RBFOX1: variants seen among roughly 807,000 people sequenced by gnomAD.
RBFOX1 encodes the protein RNA binding protein fox-1 homolog 1.
RBFOX1 carries 8 observed loss-of-function variants against 57.7 expected under a neutral mutation model. The observed-to-expected ratio is 0.14, with a 90% CI of 0.08 to 0.25. RBFOX1 has a LOEUF of 0.25. Among genes scored for constraint, RBFOX1 ranks in the 10% least tolerant of loss-of-function variants. The pLI, the probability that RBFOX1 is intolerant of heterozygous loss-of-function variation, is 1.00. For missense variants in RBFOX1, 611 were observed against 548.5 expected (o/e 1.11, Z -1.14); for synonymous variants, 326 against 222.4 (o/e 1.47, Z -4.15).
intron 4 of RBFOX1, among the ~76,000 whole-genome samples, chr16:7,136,404 ATTT>A (rs35623726): frequency 1.5e-3 from 161 of 110,914 alleles, no homozygotes; most frequent in Non-Finnish European, 1.9e-3. Flanking sequence ...TCATCTTGGG[ATTT>A]TTTTTTTTTT....
chr16:7,574,372 A>G (rs542581195), intron 5 of RBFOX1, among the ~76,000 whole-genome samples: 1 of 152,286 alleles, frequency 6.6e-6, no homozygotes, highest in East Asian at 1.9e-4. Flanking sequence ...AGGAGTATTG[A>G]CTCACACGAT....
At chr16:5,294,643 T>C (rs1224447563) in intron 1 of RBFOX1, among the ~76,000 whole-genome samples, 2 of 152,156 alleles carry the variant, frequency 1.3e-5, no homozygotes, top group Admixed American at 6.5e-5. Flanking sequence ...GAACTATTTC[T>C]GAACACCCCT....
At chr16:6,022,543 G>A (rs1422546389) in intron 1 of RBFOX1, among the ~76,000 whole-genome samples, 2 of 152,026 alleles carry the variant, frequency 1.3e-5, no homozygotes, top group African/African-American at 4.8e-5. Flanking sequence ...TTAGATGGGT[G>A]TGGTGGTGCA....
rs190348997 is a variant in RBFOX1, at chr16:6,441,908, C to T, written c.-64+124851C>T. Among the ~76,000 whole-genome samples the T allele has an allele frequency of 2.0e-5, 3 of 152,214 alleles. No individual in the cohort carries two copies. The East Asian group carries it at 5.8e-4, about 30-fold the overall frequency. ...CTCTGACTCAGGCAGCAGTGGTCAG[C>T]GTGGCGGGAGGGTCTTCCTAATTTG... On this transcript the variant is annotated intron_variant, in intron 2 of 15. Coordinates refer to ENST00000550418, the MANE Select transcript of RBFOX1 (RefSeq NM_018723.4).
chr16:6,696,758 C>G (rs1282534456), intron 3 of RBFOX1, among the ~76,000 whole-genome samples: 6 of 152,016 alleles, frequency 3.9e-5, no homozygotes, highest in Non-Finnish European at 7.4e-5. Flanking sequence ...ATGCAGTTTG[C>G]TGTGCCTGTG....
intron 4 of RBFOX1, among the ~76,000 whole-genome samples, chr16:7,099,698 G>C (rs1422875381): frequency 6.6e-6 from 1 of 152,182 alleles, no homozygotes; most frequent in South Asian, 2.1e-4. Flanking sequence ...ATTTGCATTG[G>C]TTCTACCTGG....
chr16:5,818,026 TG>T (rs1245955339), intron 3 of RBFOX1, among the ~76,000 whole-genome samples: 1 of 152,160 alleles, frequency 6.6e-6, no homozygotes, highest in Admixed American at 6.5e-5. Flanking sequence ...TTTGTCTTTA[TG>T]GTGAAAGCAG....
intron 2 of RBFOX1, among the ~76,000 whole-genome samples, chr16:5,548,630 C>T (rs116304096): frequency 1.7e-3 from 263 of 151,978 alleles, no homozygotes; most frequent in African/African-American, 6.1e-3. Context: ...TAAATATATA[C>T]ACCAACTATG....
intron 4 of RBFOX1, among the ~76,000 whole-genome samples, chr16:7,318,561 T>C (rs2096487185): frequency 6.6e-6 from 1 of 152,210 alleles, no homozygotes; most frequent in Non-Finnish European, 1.5e-5. Flanking sequence ...ATATTCATTG[T>C]CATTATGAAG....
intron 3 of RBFOX1, among the ~76,000 whole-genome samples, chr16:6,874,683 A>G (rs1322508957): frequency 6.6e-6 from 1 of 152,062 alleles, no homozygotes; most frequent in Non-Finnish European, 1.5e-5. Flanking sequence ...ACATTGTGTT[A>G]ATATACTAAC....
intron 3 of RBFOX1, among the ~76,000 whole-genome samples, chr16:6,878,268 G>C (rs1231016095): frequency 6.6e-6 from 1 of 152,186 alleles, no homozygotes; most frequent in Non-Finnish European, 1.5e-5. Flanking sequence ...CTTGTGATTT[G>C]AGTGAGGCCA....
intron 11 of RBFOX1, among the ~76,000 whole-genome samples, chr16:7,647,033 T>C (rs2063877699): frequency 1.3e-5 from 2 of 152,156 alleles, no homozygotes; most frequent in African/African-American, 4.8e-5. Flanking sequence ...CCACACATCT[T>C]CCGTTCTAAA....
chr16:7,251,302 A>G (rs532781155), intron 4 of RBFOX1, among the ~76,000 whole-genome samples: 4 of 152,058 alleles, frequency 2.6e-5, no homozygotes, highest in Admixed American at 6.5e-5. Context: ...TTCACTCAAC[A>G]TGACATCCTC....
At chr16:6,161,559 C>T (rs139028664) in intron 1 of RBFOX1, among the ~76,000 whole-genome samples, 1 of 152,124 alleles carries the variant, frequency 6.6e-6, no homozygotes, top group African/African-American at 2.4e-5. Context: ...AACATAAACA[C>T]TCAGGAAATA....
intron 3 of RBFOX1, among the ~76,000 whole-genome samples, chr16:6,957,969 G>T (rs1410496833): frequency 6.6e-6 from 1 of 152,078 alleles, no homozygotes; most frequent in African/African-American, 2.4e-5. Context: ...ATATTCTCTT[G>T]GTTACACAGG....
intron 4 of RBFOX1, among the ~76,000 whole-genome samples, chr16:7,364,956 A>G (rs2097409909): frequency 6.6e-6 from 1 of 152,240 alleles, no homozygotes; most frequent in Non-Finnish European, 1.5e-5. Flanking sequence ...GACTGTTGAT[A>G]CATTCTTGAG....
At chr16:7,615,326 C>G (rs2058261758) in intron 10 of RBFOX1, among the ~76,000 whole-genome samples, 1 of 118,972 alleles carries the variant, frequency 8.4e-6, no homozygotes, top group Non-Finnish European at 1.7e-5. Context: ...GAGCAAGACT[C>G]CATCTCAAAA....
intron 2 of RBFOX1, among the ~76,000 whole-genome samples, chr16:6,451,878 C>T (rs2094634097): frequency 1.3e-5 from 2 of 151,500 alleles, no homozygotes; most frequent in Admixed American, 6.6e-5. Flanking sequence ...CCTTCCATGA[C>T]TCCATCCATG....
chr16:6,719,173 T>C (rs1314227306), intron 3 of RBFOX1, among the ~76,000 whole-genome samples: 2 of 152,128 alleles, frequency 1.3e-5, no homozygotes, highest in Non-Finnish European at 2.9e-5. Flanking sequence ...GGCTGAGATG[T>C]GTACATATTT....
Sources: allele counts gnomAD v4.1 joint callset (sites outside exome capture counted in the v4.1 genomes callset), GRCh38; gene constraint gnomAD v4.1.1; transcripts MANE v1.5; gene names NCBI Gene and HGNC (gene_info 2026-07-23, HGNC 2026-07-21).